RNF212B: variants seen among roughly 807,000 people sequenced by gnomAD.
RNF212B encodes the protein ring finger protein 212B.
Under a neutral mutation model 55.5 loss-of-function variants are expected in RNF212B, and 52 were observed. The observed-to-expected ratio is 0.94, with a 90% CI of 0.75 to 1.18. The LOEUF is 1.18. Ranked by LOEUF, RNF212B falls within the 50% of genes most tolerant of loss-of-function variation. RNF212B has a pLI of 0.00. For missense variants in RNF212B, 289 were observed against 350.4 expected (o/e 0.82, Z 1.40); for synonymous variants, 99 against 121.4 (o/e 0.82, Z 1.21).
intron 14 of RNF212B, 111 bp from the exon 15 acceptor site, chr14:23,272,712 C>G: frequency 1.4e-6 from 1 of 726,734 alleles, no homozygotes; most frequent in South Asian, 1.5e-5. Flanking sequence ...TATGGGGAAG[C>G]AAAAGCAGTG....
intron 11 of RNF212B, among the ~76,000 whole-genome samples, chr14:23,265,009 C>T (rs908340281): frequency 2.9e-4 from 44 of 152,064 alleles, no homozygotes; most frequent in Non-Finnish European, 1.0e-4. Context: ...TTAGTAGAGA[C>T]GGGGTTTCAT....
intron 2 of RNF212B, among the ~76,000 whole-genome samples, chr14:23,226,348 G>C (rs1451453555): frequency 7.6e-6 from 1 of 132,412 alleles, no homozygotes; most frequent in East Asian, 2.3e-4. Context: ...TAGGAACACG[G>C]GGCCGGGCGC....
At chr14:23,236,930 A>G (rs1322891647), upstream of RNF212B, among the ~76,000 whole-genome samples, 1 of 149,654 alleles carries the variant, frequency 6.7e-6, no homozygotes, top group African/African-American at 2.5e-5. Context: ...TTCTGTGGAG[A>G]AATCTGATGC....
upstream of RNF212B, among the ~76,000 whole-genome samples, chr14:23,234,082 T>C (rs893171377): frequency 6.6e-6 from 1 of 152,030 alleles, no homozygotes. Flanking sequence ...CAGCCATGTA[T>C]ACCATGTGTA....
At chr14:23,249,597 A>C (rs1001590505) in intron 4 of RNF212B, among the ~76,000 whole-genome samples, 1 of 152,212 alleles carries the variant, frequency 6.6e-6, no homozygotes, top group African/African-American at 2.4e-5. Context: ...ATATTATTTT[A>C]CCTAAAAAGG....
At chr14:23,187,884 C>A (rs1439002115) in intron 1 of RNF212B, among the ~76,000 whole-genome samples, 2 of 151,558 alleles carry the variant, frequency 1.3e-5, no homozygotes, top group Admixed American at 6.6e-5. Context: ...GTTTTAGATG[C>A]CTTTACTTCA....
rs745736338 is a variant in RNF212B at position 23,259,933 on chromosome 14, G to A, written c.394G>A (p.Ala132Thr). 1.3e-6 allele frequency: 2 copies of A among 1,497,214 alleles called. No homozygotes were observed. The highest frequency in any genetic ancestry group is 2.6e-5 in the South Asian group (2 of 78,080). The allele number at this position is 1,497,214 out of a possible 1,614,324, so 92.7% of individuals were successfully genotyped here. A position where few individuals can be genotyped will look rare whatever the true frequency, so the allele number is the denominator to read the frequency against. The change falls in exon 6 of 15, where the codon GCC (alanine) becomes ACC (threonine). Residue 132 changes from alanine (A) to threonine (T), a missense_variant. Transcript: ENST00000430154. The stretch of plus-strand genomic sequence containing the variant: ...GAATGGAGAACTGAAGAAATTTCTA[G>A]CCATTCTAAAGGTGAATGAAATAGA... ...KENGELKKFL[A>T]ILKESPSRYQ...
upstream of RNF212B, among the ~76,000 whole-genome samples, chr14:23,237,391 A>G (rs1194128326): frequency 1.3e-5 from 2 of 152,112 alleles, no homozygotes; most frequent in Non-Finnish European, 1.5e-5. Flanking sequence ...CGGCCTCCCA[A>G]GGTGCTGGGA....
At chr14:23,195,589 G>C (rs1194102446) in intron 2 of RNF212B, among the ~76,000 whole-genome samples, 1 of 151,850 alleles carries the variant, frequency 6.6e-6, no homozygotes, top group African/African-American at 2.4e-5. Flanking sequence ...CACTCATTTC[G>C]TGTGCTCAGT....
At chr14:23,264,305 A>G (rs1885521001) in intron 10 of RNF212B, 71 bp downstream of exon 10, 1 of 1,269,404 alleles carries the variant, frequency 7.9e-7, no homozygotes, top group Non-Finnish European at 1.1e-6. Context: ...GTTTATCAAG[A>G]ACTTAAATTT....
intron 2 of RNF212B, among the ~76,000 whole-genome samples, chr14:23,214,247 A>C (rs1313298879): frequency 6.6e-6 from 1 of 152,246 alleles, no homozygotes; most frequent in East Asian, 1.9e-4. Context: ...TAATCCCAGC[A>C]TTTTGGGAGG....
chr14:23,250,127 T>C (rs1884294741), intron 4 of RNF212B, among the ~76,000 whole-genome samples: 1 of 152,230 alleles, frequency 6.6e-6, no homozygotes, highest in African/African-American at 2.4e-5. Flanking sequence ...TTTGCAGTTC[T>C]TTTACAGACC....
At chr14:23,194,439 T>C (rs1415512119) in intron 2 of RNF212B, among the ~76,000 whole-genome samples, 1 of 152,074 alleles carries the variant, frequency 6.6e-6, no homozygotes. Context: ...TGTACCTCTA[T>C]TAGAAGCTGA....
chr14:23,219,345 T>C (rs757517417), intron 2 of RNF212B, among the ~76,000 whole-genome samples: 1 of 152,098 alleles, frequency 6.6e-6, no homozygotes, highest in Non-Finnish European at 1.5e-5. Context: ...GACTAAATGA[T>C]GAACTAATAA....
intron 14 of RNF212B, 36 bp from the exon 15 acceptor site, chr14:23,272,787 A>G (rs1436636361): frequency 7.0e-7 from 1 of 1,429,640 alleles, no homozygotes; most frequent in Admixed American, 2.0e-5. Context: ...TTGCTGTTAT[A>G]AACACCCACA....
In RNF212B at chr14:23,202,279, A is replaced by G. The variant is rs913684244; in HGVS notation, c.-2+8878A>G. On this transcript the variant is annotated intron_variant, in intron 2 of 15. Coordinates refer to the RNF212B transcript ENST00000399910. Reference sequence around the variant, plus strand: ...AAAAAAAAAAAAAAAGCAGTTGGTTAATGCTTCACAAAAAACTTGTTAATC... The same window carrying G: ...AAAAAAAAAAAAAAAGCAGTTGGTTGATGCTTCACAAAAAACTTGTTAATC... 5.3e-5 allele frequency among the ~76,000 whole-genome samples: 8 copies of G among 151,834 alleles called. No individual in the cohort carries two copies. In the East Asian group the frequency reaches 1.5e-3, roughly 29 times the overall value.
At chr14:23,216,464 T>C (rs113034894) in intron 2 of RNF212B, among the ~76,000 whole-genome samples, 1,928 of 151,982 alleles carry the variant, frequency 0.013, 39 homozygotes, top group African/African-American at 0.042. Context: ...GTACATTAAA[T>C]TTAAATGGTT....
At chr14:23,226,651 AG>A (rs1273833273) in intron 2 of RNF212B, among the ~76,000 whole-genome samples, 3 of 151,974 alleles carry the variant, frequency 2.0e-5, no homozygotes, top group African/African-American at 7.3e-5. Context: ...CAAAAAGAAA[AG>A]GGGACACGGA....
At chr14:23,238,858 T>C (rs944886835) in intron 1 of RNF212B, among the ~76,000 whole-genome samples, 1 of 151,750 alleles carries the variant, frequency 6.6e-6, no homozygotes, top group African/African-American at 2.4e-5. Flanking sequence ...TGGCAGAAAA[T>C]ACAGGCTATA....
Sources: gnomAD v4.1 joint callset for allele counts (sites outside exome capture counted in the v4.1 genomes callset) on GRCh38, gnomAD v4.1.1 for gene constraint, MANE v1.5 for transcripts, NCBI Gene and HGNC (gene_info 2026-07-23, HGNC 2026-07-21) for gene names.